CAMTA1: variants seen among roughly 807,000 people sequenced by gnomAD.
CAMTA1 encodes the protein calmodulin binding transcription activator 1, also known as calmodulin-binding transcription activator 1.
A neutral mutation model predicts 170.9 loss-of-function variants in CAMTA1; 27 were observed. That is an observed-to-expected ratio of 0.16 (90% CI 0.12 to 0.22). CAMTA1 has a LOEUF of 0.22. Ranked by LOEUF, CAMTA1 falls within the 10% of genes least tolerant of loss-of-function variation. The pLI, the probability that CAMTA1 is intolerant of heterozygous loss-of-function variation, is 1.00. For synonymous variants in CAMTA1, 833 were observed against 891.5 expected, an observed-to-expected ratio of 0.93 and a Z score of 1.17; for missense variants, 1,619 against 2,217.2, an observed-to-expected ratio of 0.73 and a Z score of 5.42.
At chr1:7,245,146 G>T (rs1665549099) in intron 4 of CAMTA1, among the ~76,000 whole-genome samples, 2 of 150,226 alleles carry the variant, frequency 1.3e-5, no homozygotes, top group Non-Finnish European at 1.5e-5. Flanking sequence ...AATCTATCTA[G>T]TCAATAGTTT....
intron 3 of CAMTA1, among the ~76,000 whole-genome samples, chr1:7,053,680 A>C (rs1706829432): frequency 6.6e-6 from 1 of 152,160 alleles, no homozygotes. Context: ...TTCTCGAAGC[A>C]GGGCCTTTGC....
intron 5 of CAMTA1, among the ~76,000 whole-genome samples, chr1:7,267,466 C>T (rs1049987648): frequency 1.3e-5 from 2 of 152,106 alleles, no homozygotes; most frequent in African/African-American, 4.8e-5. Flanking sequence ...CAGGATTGAT[C>T]CCCTGGAGTT....
intron 3 of CAMTA1, among the ~76,000 whole-genome samples, chr1:6,909,624 C>G (rs1420483673): frequency 1.3e-5 from 2 of 152,206 alleles, no homozygotes; most frequent in Non-Finnish European, 2.9e-5. Context: ...GGGCTCTGGT[C>G]TCCTAAGGGG....
At chr1:7,608,987 G>A (rs1019069706) in intron 6 of CAMTA1, among the ~76,000 whole-genome samples, 31 of 152,064 alleles carry the variant, frequency 2.0e-4, no homozygotes, top group African/African-American at 5.6e-4. Context: ...GTGAGGGCAG[G>A]AGCTGTCTGG....
intron 11 of CAMTA1, among the ~76,000 whole-genome samples, chr1:7,731,279 A>G (rs1220668416): frequency 6.6e-6 from 1 of 152,156 alleles, no homozygotes; most frequent in Non-Finnish European, 1.5e-5. Context: ...GACATGGGTT[A>G]AAAGAAATGT....
At chr1:7,596,087 G>T (rs1408667729) in intron 6 of CAMTA1, among the ~76,000 whole-genome samples, 1 of 152,246 alleles carries the variant, frequency 6.6e-6, no homozygotes, top group African/African-American at 2.4e-5. Context: ...TTGAAGATGG[G>T]TGGAAAGTCA....
chr1:7,440,008 G>A (rs985329092), intron 5 of CAMTA1, among the ~76,000 whole-genome samples: 1 of 152,264 alleles, frequency 6.6e-6, no homozygotes, highest in Non-Finnish European at 1.5e-5. Context: ...TCAGTGGCAA[G>A]GGAGGCAGGT....
intron 5 of CAMTA1, among the ~76,000 whole-genome samples, chr1:7,386,318 A>G (rs1340560311): frequency 4.6e-5 from 7 of 152,200 alleles, no homozygotes. Context: ...CATCATGAGC[A>G]GCCGCCGTCA....
chr1:7,291,477 G>T (rs1333942279), intron 5 of CAMTA1, among the ~76,000 whole-genome samples: 1 of 152,222 alleles, frequency 6.6e-6, no homozygotes, highest in Non-Finnish European at 1.5e-5. Context: ...CCCAGAGCCT[G>T]TTCCCAGTTG....
intron 4 of CAMTA1, among the ~76,000 whole-genome samples, chr1:7,229,734 G>A (rs961272484): frequency 1.3e-5 from 2 of 151,996 alleles, no homozygotes; most frequent in Non-Finnish European, 2.9e-5. Context: ...GGGCCTCAGC[G>A]TCCTTCATGA....
intron 16 of CAMTA1, among the ~76,000 whole-genome samples, chr1:7,739,166 C>T (rs1294026054): frequency 6.6e-6 from 1 of 152,136 alleles, no homozygotes; most frequent in South Asian, 2.1e-4. Context: ...TGTTTGAATT[C>T]CTCTCTTTCC....
At chr1:7,130,178 A>T (rs1645169908) in intron 4 of CAMTA1, among the ~76,000 whole-genome samples, 1 of 152,104 alleles carries the variant, frequency 6.6e-6, no homozygotes, top group Non-Finnish European at 1.5e-5. Flanking sequence ...ACATCAAGTG[A>T]TCCACCCACC....
chr1:7,480,750 T>C (rs771343171), intron 6 of CAMTA1, among the ~76,000 whole-genome samples: 3 of 152,074 alleles, frequency 2.0e-5, no homozygotes, highest in Non-Finnish European at 2.9e-5. Context: ...CCTTCTCTTC[T>C]CTGTCTACAC....
intron 3 of CAMTA1, among the ~76,000 whole-genome samples, chr1:7,070,036 G>A (rs756737871): frequency 2.0e-5 from 3 of 152,190 alleles, no homozygotes; most frequent in Non-Finnish European, 1.5e-5. Flanking sequence ...GATGTGCGGG[G>A]CCTCCGGTGA....
intron 5 of CAMTA1, among the ~76,000 whole-genome samples, chr1:7,461,079 T>C (rs1247565687): frequency 6.6e-6 from 1 of 152,192 alleles, no homozygotes; most frequent in Non-Finnish European, 1.5e-5. Flanking sequence ...CACCCCTGTC[T>C]GCCGCCCCCG....
At chr1:7,743,544 A>C (rs2096833455) in intron 16 of CAMTA1, among the ~76,000 whole-genome samples, 1 of 152,008 alleles carries the variant, frequency 6.6e-6, no homozygotes, top group Non-Finnish European at 1.5e-5. Context: ...TGCTTTTTCT[A>C]GACATTTCAT....
chr1:7,420,613 G>T (rs895339797), intron 5 of CAMTA1, among the ~76,000 whole-genome samples: 19 of 152,092 alleles, frequency 1.2e-4, no homozygotes, highest in African/African-American at 4.1e-4. Context: ...GAGCTGCGAT[G>T]TGTCTTGGCT....
At chr1:7,175,261 C>T (rs1040477618) in intron 4 of CAMTA1, among the ~76,000 whole-genome samples, 2 of 133,476 alleles carry the variant, frequency 1.5e-5, no homozygotes, top group African/African-American at 2.7e-5. Flanking sequence ...GTGCGGCTGG[C>T]AGTTTTAATG....
intron 4 of CAMTA1, among the ~76,000 whole-genome samples, chr1:7,151,817 C>T (rs532292798): frequency 6.6e-5 from 10 of 152,294 alleles, no homozygotes; most frequent in South Asian, 4.1e-4. Flanking sequence ...GTGCATACTC[C>T]GTTTGTATTT....
Sources: allele counts gnomAD v4.1 joint callset (sites outside exome capture counted in the v4.1 genomes callset), GRCh38; gene constraint gnomAD v4.1.1; transcripts MANE v1.5; gene names NCBI Gene and HGNC (gene_info 2026-07-23, HGNC 2026-07-21).